Variants in HABP4 observed in about 807,000 individuals in gnomAD.
HABP4 encodes the protein hyaluronan binding protein 4, also known as intracellular hyaluronan-binding protein 4.
In HABP4, 32 loss-of-function variants were observed where a neutral mutation model predicts 44.1. The observed-to-expected ratio is 0.73, with a 90% CI of 0.55 to 0.97. The LOEUF (loss-of-function observed/expected upper bound fraction) is 0.97. Among genes scored for constraint, HABP4 ranks in the 50% least tolerant of loss-of-function variants. The probability of loss-of-function intolerance (pLI) is 0.00; values close to 1 mark genes in which losing one functional copy is unlikely to be tolerated. For synonymous variants in HABP4, 216 were observed against 218.0 expected (o/e 0.99, Z 0.08); for missense variants, 503 against 561.9 (o/e 0.90, Z 1.06).
At chr9:96,459,191 T>C (rs938482747) in intron 2 of HABP4, among the ~76,000 whole-genome samples, 1 of 152,238 alleles carries the variant, frequency 6.6e-6, no homozygotes, top group Non-Finnish European at 1.5e-5. Context: ...GATATAATTT[T>C]GGACTAGGGA....
chr9:96,478,576 T>C (rs1832823960), intron 5 of HABP4, among the ~76,000 whole-genome samples: 1 of 152,198 alleles, frequency 6.6e-6, no homozygotes, highest in Admixed American at 6.5e-5. Context: ...ACATCCTTGC[T>C]AGAACTTGCT....
At chr9:96,463,861 C>G (rs1290454405) in intron 2 of HABP4, among the ~76,000 whole-genome samples, 1 of 152,180 alleles carries the variant, frequency 6.6e-6, no homozygotes, top group Non-Finnish European at 1.5e-5. Context: ...GGTGTTTGAG[C>G]TACTAATGCC....
At chr9:96,468,055 T>G (rs901138070) in intron 4 of HABP4, among the ~76,000 whole-genome samples, 3 of 152,144 alleles carry the variant, frequency 2.0e-5, no homozygotes, top group Non-Finnish European at 4.4e-5. Flanking sequence ...GATTGGTTTG[T>G]GAGTTATAAA....
At position 96,450,477 on chromosome 9, in the gene HABP4, GGCCGGTCCCCGCGGCGGCAGGA is replaced by G; in HGVS notation, c.202_223del (p.Gly68GlnfsTer108). On this transcript the variant is annotated frameshift_variant, in exon 1 of 8. Coordinates refer to ENST00000375249, the MANE Select transcript of HABP4 (RefSeq NM_014282.4). LOFTEE classifies it high-confidence loss of function. This position sits in a 1 kb window ranked among gnomAD's most constrained non-coding sequence, Gnocchi z 4.8. ...GCGACGAGGCGGCGGCGGCGGCCGG[GGCCGGTCCCCGCGGCGGCAGGA>G]GCCCAGCCGGGGCCTCGGGCCACAG... 8.2e-7 allele frequency: 1 copy of G among 1,215,906 alleles called. No individual in the cohort carries two copies. The highest frequency in any genetic ancestry group is 1.0e-6 in the Non-Finnish European group (1 of 975,888). 75.3% of individuals were successfully genotyped at this position (1,215,906 alleles called of 1,614,324 possible).
intron 5 of HABP4, among the ~76,000 whole-genome samples, chr9:96,472,109 T>C (rs370744033): frequency 9.9e-5 from 15 of 152,080 alleles, no homozygotes; most frequent in African/African-American, 3.1e-4. Context: ...TAAATACCCA[T>C]GCGCCTTCAA....
At chr9:96,452,415 C>T (rs1201946807) in intron 1 of HABP4, among the ~76,000 whole-genome samples, 1 of 151,982 alleles carries the variant, frequency 6.6e-6, no homozygotes, top group African/African-American at 2.4e-5. Flanking sequence ...CATTTATATA[C>T]ATAAATGCAC....
chr9:96,460,947 T>C (rs768687421), intron 2 of HABP4, among the ~76,000 whole-genome samples: 4 of 152,160 alleles, frequency 2.6e-5, no homozygotes, highest in African/African-American at 4.8e-5. Context: ...ATAAAACATA[T>C]AAAGTTTTAT....
At chr9:96,461,717 AG>A (rs1169861344) in intron 2 of HABP4, among the ~76,000 whole-genome samples, 1 of 152,204 alleles carries the variant, frequency 6.6e-6, no homozygotes, top group Non-Finnish European at 1.5e-5. Flanking sequence ...GGCTGAATTT[AG>A]ATAATCTTTC....
chr9:96,468,041 TTTGGA>T (rs1418649135), intron 4 of HABP4, among the ~76,000 whole-genome samples: 1 of 152,124 alleles, frequency 6.6e-6, no homozygotes, highest in Non-Finnish European at 1.5e-5. Context: ...TGGCACTCAT[TTTGGA>T]TTGGTTTGTG....
chr9:96,477,408 C>T (rs148608339), intron 5 of HABP4, among the ~76,000 whole-genome samples: 4 of 152,278 alleles, frequency 2.6e-5, no homozygotes, highest in Admixed American at 6.5e-5. Context: ...TACCAAATCA[C>T]GGCCACTCCT....
In HABP4 at chr9:96,472,749, C is replaced by T. The variant is rs186673944; in HGVS notation, c.827+1655C>T. ...CTCTGGACCCCACATTCTCCGTCAG[C>T]TGCCTCTTTCAGAGTTGCATGTGGC... On this transcript the variant is annotated intron_variant, in intron 5 of 7. Coordinates refer to ENST00000375249, the MANE Select transcript of HABP4 (RefSeq NM_014282.4). Among the ~76,000 whole-genome samples the T allele has an allele frequency of 5.5e-4, 84 of 152,348 alleles. 3 individuals carry two copies. In the East Asian group the frequency reaches 7.5e-3, roughly 14 times the overall value.
chr9:96,470,410 C>T (rs1214135390), intron 4 of HABP4, among the ~76,000 whole-genome samples: 2 of 151,978 alleles, frequency 1.3e-5, no homozygotes, highest in Admixed American at 6.6e-5. Flanking sequence ...GGATCACAGG[C>T]GTGAGCCACC....
rs1402439287 is a variant in HABP4, at chr9:96,490,927, C to G, written c.*889C>G. 2 of 152,366 alleles carry G rather than the reference C, an allele frequency of 1.3e-5. No individual in the cohort carries two copies. The highest frequency in any genetic ancestry group is 2.1e-4 in the South Asian group (1 of 4,828). 9.4% of individuals were successfully genotyped at this position (152,366 alleles called of 1,614,324 possible). The stretch of plus-strand genomic sequence containing the variant: ...AAGCACTTATAAGCAGTTTTTCTCA[C>G]TTAGTCCTGGCTCCAGTTCTAGAGT... On this transcript the variant is annotated 3_prime_UTR_variant, in exon 8 of 8. Coordinates refer to ENST00000375249, the MANE Select transcript of HABP4 (RefSeq NM_014282.4).
At position 96,488,027 on chromosome 9, in the gene HABP4, G is replaced by A; in HGVS notation, c.1000-62G>A. 8.5e-7 allele frequency: 1 copy of A among 1,173,010 alleles called. No individual in the cohort carries two copies. Among genetic ancestry groups the A allele is most frequent in the Non-Finnish European group, 1.3e-6 (1 of 788,526 alleles). The allele number at this position is 1,173,010 out of a possible 1,614,324, so 72.7% of individuals were successfully genotyped here. ...CTGTGTAGCACACTGCAGCCACTAAGCCAGATGAGTGTGGGGATGGCTGTG... is the reference window on the plus strand; with the variant it reads ...CTGTGTAGCACACTGCAGCCACTAAACCAGATGAGTGTGGGGATGGCTGTG... On this transcript the variant is annotated intron_variant, in intron 6 of 7. Transcript: ENST00000375249. The surrounding 1 kb of genome is among the most constrained non-coding windows in gnomAD (Gnocchi z 4.6).
intron 5 of HABP4, among the ~76,000 whole-genome samples, chr9:96,473,117 T>C (rs920061215): frequency 6.6e-6 from 1 of 152,222 alleles, no homozygotes; most frequent in African/African-American, 2.4e-5. Flanking sequence ...TATGCACTTC[T>C]GTGACTTAAA....
chr9:96,453,442 C>A (rs1832321794), intron 1 of HABP4, among the ~76,000 whole-genome samples: 1 of 151,122 alleles, frequency 6.6e-6, no homozygotes. Flanking sequence ...AACTCCTGAC[C>A]TCAGGTGATC....
chr9:96,455,269 G>A (rs1832353922), intron 1 of HABP4, among the ~76,000 whole-genome samples: 1 of 151,918 alleles, frequency 6.6e-6, no homozygotes, highest in Non-Finnish European at 1.5e-5. Flanking sequence ...TGGCCAACAT[G>A]GTGAAACCCT....
At chr9:96,470,271 C>CGTG (rs1564164039) in intron 4 of HABP4, among the ~76,000 whole-genome samples, 1 of 151,924 alleles carries the variant, frequency 6.6e-6, no homozygotes, top group African/African-American at 2.4e-5. Context: ...ATGGCGCCAC[C>CGTG]GCACTCCAAC....
chr9:96,487,564 C>T (rs1832997075), intron 6 of HABP4, among the ~76,000 whole-genome samples: 2 of 152,090 alleles, frequency 1.3e-5, no homozygotes, highest in Non-Finnish European at 2.9e-5. Context: ...TGATTTTTAG[C>T]ACATGGTATT....
Sources: gnomAD v4.1 joint callset for allele counts (sites outside exome capture counted in the v4.1 genomes callset) on GRCh38, gnomAD v4.1.1 for gene constraint, Gnocchi (gnomAD v3.1) non-coding constraint, MANE v1.5 for transcripts, NCBI Gene and HGNC (gene_info 2026-07-23, HGNC 2026-07-21) for gene names.